Variants in CAST observed in about 807,000 individuals in gnomAD.
CAST encodes the protein calpastatin.
Under a neutral mutation model 119.6 loss-of-function variants are expected in CAST, and 76 were observed. That is an observed-to-expected ratio of 0.64 (90% CI 0.53 to 0.77). CAST has a LOEUF of 0.77. Among genes scored for constraint, CAST ranks in the 30% least tolerant of loss-of-function variants. CAST has a pLI of 0.00. For missense variants in CAST, 953 were observed against 946.5 expected, an observed-to-expected ratio of 1.01 and a Z score of -0.09; for synonymous variants, 319 against 331.6, an observed-to-expected ratio of 0.96 and a Z score of 0.41.
At chr5:95,961,982 C>T in the CAST span, 1 of 425,558 alleles carries the variant, frequency 2.3e-6, no homozygotes, top group Non-Finnish European at 4.1e-6. Context: ...TCCACTCTCA[C>T]GGGGGCGGGC....
chr5:96,272,243 A>T, the CAST span, among the ~76,000 whole-genome samples: 1 of 152,200 alleles, frequency 6.6e-6, no homozygotes, highest in African/African-American at 2.4e-5. Context: ...CATATGATCC[A>T]GTAATTTCAC....
the CAST span, chr5:95,961,865 C>T: frequency 2.0e-5 from 22 of 1,092,526 alleles, no homozygotes; most frequent in Non-Finnish European, 2.6e-5. Flanking sequence ...CGGAGCCAGA[C>T]CTCGGACTGC....
At chr5:96,171,266 C>A in the CAST span, among the ~76,000 whole-genome samples, 1 of 152,034 alleles carries the variant, frequency 6.6e-6, no homozygotes, top group Non-Finnish European at 1.5e-5. Flanking sequence ...TGGGGCCAAG[C>A]GGTGTTGCAG....
upstream of CAST, among the ~76,000 whole-genome samples, chr5:96,528,680 T>G (rs1162088766): frequency 4.6e-5 from 7 of 152,190 alleles, no homozygotes; most frequent in Admixed American, 4.6e-4. Flanking sequence ...ATTATGATAA[T>G]TTCTGAGAAT....
At chr5:96,089,030 G>T in the CAST span, among the ~76,000 whole-genome samples, 1 of 147,706 alleles carries the variant, frequency 6.8e-6, no homozygotes, top group African/African-American at 2.5e-5. Flanking sequence ...GATGCTTTCA[G>T]TCAGCATCCT....
At chr5:96,094,761 C>A in the CAST span, among the ~76,000 whole-genome samples, 1 of 152,160 alleles carries the variant, frequency 6.6e-6, no homozygotes, top group East Asian at 1.9e-4. Flanking sequence ...GCTCAGCAAA[C>A]CTGCCAACTT....
the CAST span, among the ~76,000 whole-genome samples, chr5:96,476,865 G>A: frequency 6.7e-6 from 1 of 148,744 alleles, no homozygotes; most frequent in Non-Finnish European, 1.5e-5. Context: ...CTCTACACGA[G>A]TTGACGGTTC....
intron 1 of CAST, among the ~76,000 whole-genome samples, chr5:96,671,664 T>G (rs1750091664): frequency 6.6e-6 from 1 of 152,210 alleles, no homozygotes; most frequent in Non-Finnish European, 1.5e-5. Flanking sequence ...GAGCAGATGC[T>G]TAGGAGGTGT....
At chr5:96,542,708 A>G (rs1169600057) in intron 1 of CAST, among the ~76,000 whole-genome samples, 1 of 152,224 alleles carries the variant, frequency 6.6e-6, no homozygotes, top group African/African-American at 2.4e-5. Flanking sequence ...GTTATTTATA[A>G]GACATATGTT....
At chr5:96,053,573 T>C in the CAST span, among the ~76,000 whole-genome samples, 1 of 152,212 alleles carries the variant, frequency 6.6e-6, no homozygotes, top group African/African-American at 2.4e-5. Flanking sequence ...CAGATCTTTA[T>C]TTTGCAATTT....
chr5:96,108,832 AC>A, the CAST span, among the ~76,000 whole-genome samples: 3 of 152,148 alleles, frequency 2.0e-5, no homozygotes, highest in Non-Finnish European at 4.4e-5. Context: ...CCTTGCTGCC[AC>A]CTTGCAGTTG....
chr5:95,991,977 TA>T, the CAST span, among the ~76,000 whole-genome samples: 1 of 152,186 alleles, frequency 6.6e-6, no homozygotes, highest in Non-Finnish European at 1.5e-5. Flanking sequence ...TCAATATTTT[TA>T]AAAAAGTATT....
intron 8 of CAST, 47 bp from the exon 9 acceptor site, chr5:96,730,733 A>C (rs1284671327): frequency 7.5e-7 from 1 of 1,329,050 alleles, no homozygotes; most frequent in Non-Finnish European, 1.1e-6. Context: ...GATAATAGCC[A>C]TGCAGAGATA....
chr5:96,397,221 A>G, the CAST span: 1 of 878,254 alleles, frequency 1.1e-6, no homozygotes, highest in Non-Finnish European at 1.9e-6. Context: ...CCTTACTTCT[A>G]CTAAGAAGGG....
chr5:96,350,265 C>T, the CAST span, among the ~76,000 whole-genome samples: 2 of 151,486 alleles, frequency 1.3e-5, no homozygotes, highest in East Asian at 3.9e-4. Flanking sequence ...AACAGTTGCA[C>T]TCTTTTGAGT....
the CAST span, among the ~76,000 whole-genome samples, chr5:96,466,575 T>G: frequency 1.9e-5 from 2 of 107,708 alleles, no homozygotes; most frequent in South Asian, 3.1e-4. Context: ...TTGTGTGGGG[T>G]TTTTTTTTCC....
At chr5:96,494,658 C>T in the CAST span, among the ~76,000 whole-genome samples, 17 of 152,128 alleles carry the variant, frequency 1.1e-4, no homozygotes, top group Admixed American at 5.2e-4. Context: ...AAGAGCGATT[C>T]TTCAGGCTGC....
At chr5:96,420,662 A>G in the CAST span, among the ~76,000 whole-genome samples, 3 of 151,700 alleles carry the variant, frequency 2.0e-5, no homozygotes, top group Non-Finnish European at 4.4e-5. Context: ...TGGAGGGAAG[A>G]CTATCCAAAG....
At chr5:96,727,975 T>C (rs1421593140) in intron 6 of CAST, among the ~76,000 whole-genome samples, 1 of 152,174 alleles carries the variant, frequency 6.6e-6, no homozygotes, top group East Asian at 1.9e-4. Context: ...GGGTTTATCG[T>C]GACAGTCTTA....
Sources: allele counts gnomAD v4.1 joint callset (sites outside exome capture counted in the v4.1 genomes callset), GRCh38; gene constraint gnomAD v4.1.1; transcripts MANE v1.5; gene names NCBI Gene and HGNC (gene_info 2026-07-23, HGNC 2026-07-21).